Variants in ADGRB3 observed in about 807,000 individuals in gnomAD.
ADGRB3 encodes the protein brain-specific angiogenesis inhibitor 3.
In ADGRB3, 37 loss-of-function variants were observed where a neutral mutation model predicts 193.4. The ratio of observed to expected loss-of-function variants is 0.19; its 90% CI spans 0.15 to 0.25. ADGRB3 has a LOEUF of 0.25. Ranked by LOEUF, ADGRB3 falls within the 10% of genes least tolerant of loss-of-function variation. The pLI is 1.00. For synonymous variants in ADGRB3, 690 were observed against 644.2 expected (o/e 1.07, Z -1.08); for missense variants, 1,637 against 1,852.9 (o/e 0.88, Z 2.14).
At chr6:69,302,182 T>C (rs1181601742) in intron 20 of ADGRB3, among the ~76,000 whole-genome samples, 1 of 151,858 alleles carries the variant, frequency 6.6e-6, no homozygotes, top group Non-Finnish European at 1.5e-5. Context: ...GAAGGATATA[T>C]ATTAGAAAGG....
intron 3 of ADGRB3, among the ~76,000 whole-genome samples, chr6:68,655,982 T>G (rs1270326340): frequency 6.6e-6 from 1 of 151,618 alleles, no homozygotes; most frequent in Non-Finnish European, 1.5e-5. Flanking sequence ...TCTATTCTGA[T>G]TTTTTCCTAA....
intron 17 of ADGRB3, among the ~76,000 whole-genome samples, chr6:69,167,464 C>T (rs768090401): frequency 5.3e-5 from 8 of 152,060 alleles, no homozygotes; most frequent in African/African-American, 1.7e-4. Context: ...TCCATGCCTC[C>T]GTTCCTCTAA....
chr6:68,900,293 G>GCTTA (rs1389052063), intron 3 of ADGRB3, among the ~76,000 whole-genome samples: 2 of 152,108 alleles, frequency 1.3e-5, no homozygotes, highest in African/African-American at 4.8e-5. Context: ...CTGAGAATGT[G>GCTTA]CTTACATACA....
At chr6:68,738,230 G>A (rs1244735775) in intron 3 of ADGRB3, among the ~76,000 whole-genome samples, 1 of 152,144 alleles carries the variant, frequency 6.6e-6, no homozygotes, top group Non-Finnish European at 1.5e-5. Context: ...AAGCCATTGA[G>A]GCTTGTGCAA....
At chr6:69,251,220 C>T (rs1292700653) in intron 20 of ADGRB3, among the ~76,000 whole-genome samples, 1 of 152,204 alleles carries the variant, frequency 6.6e-6, no homozygotes, top group Non-Finnish European at 1.5e-5. Flanking sequence ...TAGTCTTCTT[C>T]CAGCCTTGGG....
intron 20 of ADGRB3, among the ~76,000 whole-genome samples, chr6:69,310,035 G>A (rs1171909236): frequency 6.6e-6 from 1 of 151,622 alleles, no homozygotes; most frequent in African/African-American, 2.4e-5. Flanking sequence ...TTTTATGTTT[G>A]TGGGTAAAAA....
chr6:69,371,668 T>A (rs1450933749), intron 29 of ADGRB3, among the ~76,000 whole-genome samples: 5 of 152,136 alleles, frequency 3.3e-5, no homozygotes, highest in Non-Finnish European at 7.4e-5. Context: ...TCCTGTTTTC[T>A]GGTTGTATCA....
intron 8 of ADGRB3, among the ~76,000 whole-genome samples, chr6:68,969,376 T>C (rs1768489413): frequency 6.6e-6 from 1 of 152,138 alleles, no homozygotes; most frequent in African/African-American, 2.4e-5. Context: ...ATCAAAAATA[T>C]TCAGGAAAAT....
chr6:69,040,053 T>C (rs775242287), intron 13 of ADGRB3, among the ~76,000 whole-genome samples: 19 of 152,104 alleles, frequency 1.2e-4, no homozygotes, highest in Non-Finnish European at 2.2e-4. Flanking sequence ...CATAATCGTT[T>C]TGAGATAATT....
chr6:69,119,739 G>A (rs1171771749), intron 17 of ADGRB3, among the ~76,000 whole-genome samples: 1 of 152,212 alleles, frequency 6.6e-6, no homozygotes, highest in Non-Finnish European at 1.5e-5. Flanking sequence ...CTTATCAGGA[G>A]CGGAGCATGG....
intron 17 of ADGRB3, among the ~76,000 whole-genome samples, chr6:69,181,073 CTCTG>C (rs1259467462): frequency 6.6e-6 from 1 of 152,148 alleles, no homozygotes; most frequent in Admixed American, 6.5e-5. Flanking sequence ...ACAGAGGGCT[CTCTG>C]TCTGTCTCAC....
At chr6:69,307,204 C>G (rs945639650) in intron 20 of ADGRB3, among the ~76,000 whole-genome samples, 1 of 151,378 alleles carries the variant, frequency 6.6e-6, no homozygotes, top group Non-Finnish European at 1.5e-5. Flanking sequence ...TTATTTGACT[C>G]TAAAAATCTA....
intron 3 of ADGRB3, among the ~76,000 whole-genome samples, chr6:68,765,214 T>A (rs1474746610): frequency 6.6e-6 from 1 of 152,170 alleles, no homozygotes; most frequent in East Asian, 1.9e-4. Flanking sequence ...TAATGTTGAA[T>A]AGCAAAATCA....
intron 3 of ADGRB3, among the ~76,000 whole-genome samples, chr6:68,863,852 AT>A (rs1765221882): frequency 6.6e-6 from 1 of 152,150 alleles, no homozygotes. Flanking sequence ...AAAACACCTA[AT>A]GAATTGCAAT....
At chr6:68,890,613 A>C (rs185108828) in intron 3 of ADGRB3, among the ~76,000 whole-genome samples, 3 of 152,254 alleles carry the variant, frequency 2.0e-5, no homozygotes, top group Non-Finnish European at 4.4e-5. Flanking sequence ...TGTGTACACT[A>C]TTCTTGATCT....
At chr6:68,950,957 G>A (rs897063415) in intron 6 of ADGRB3, among the ~76,000 whole-genome samples, 1 of 151,972 alleles carries the variant, frequency 6.6e-6, no homozygotes, top group Non-Finnish European at 1.5e-5. Context: ...TTCCCTGGTC[G>A]CATGGCCTAT....
chr6:69,052,287 A>C (rs1253947336), intron 15 of ADGRB3, among the ~76,000 whole-genome samples: 1 of 152,230 alleles, frequency 6.6e-6, no homozygotes, highest in Middle Eastern at 3.2e-3. Context: ...TTAGGACCAG[A>C]GGATTAAAAG....
intron 3 of ADGRB3, among the ~76,000 whole-genome samples, chr6:68,781,317 AT>A (rs1168515001): frequency 1.3e-5 from 2 of 152,172 alleles, no homozygotes; most frequent in Admixed American, 6.6e-5. Flanking sequence ...GCATGGTGTC[AT>A]TGGAAGACCT....
intron 30 of ADGRB3, among the ~76,000 whole-genome samples, chr6:69,374,231 C>T (rs1769766437): frequency 6.6e-6 from 1 of 152,042 alleles, no homozygotes; most frequent in African/African-American, 2.4e-5. Context: ...TGTGCTATAA[C>T]AGGTATGTGG....
Sources: gnomAD v4.1 joint callset for allele counts (sites outside exome capture counted in the v4.1 genomes callset) on GRCh38, gnomAD v4.1.1 for gene constraint, MANE v1.5 for transcripts, NCBI Gene and HGNC (gene_info 2026-07-23, HGNC 2026-07-21) for gene names.